Variants in PTH2R observed in about 807,000 individuals in gnomAD.
PTH2R encodes the protein parathyroid hormone 2 receptor.
In PTH2R, 59 loss-of-function variants were observed where a neutral mutation model predicts 60.3. That is an observed-to-expected ratio of 0.98 (90% CI 0.79 to 1.22). PTH2R has a LOEUF of 1.22. Ranked by LOEUF, PTH2R falls within the 50% of genes most tolerant of loss-of-function variation. The pLI, the probability that PTH2R is intolerant of heterozygous loss-of-function variation, is 0.00. For missense variants in PTH2R, 749 were observed against 682.6 expected, an observed-to-expected ratio of 1.10 and a Z score of -1.08; for synonymous variants, 256 against 243.8, an observed-to-expected ratio of 1.05 and a Z score of -0.47.
At chr2:208,370,632 G>T (rs1700682904) in intron 1 of PTH2R, among the ~76,000 whole-genome samples, 1 of 151,868 alleles carries the variant, frequency 6.6e-6, no homozygotes, top group African/African-American at 2.4e-5. Flanking sequence ...TCATTTTGCA[G>T]ATCTCTTACC....
At chr2:208,473,547 T>C (rs1702930562) in intron 9 of PTH2R, among the ~76,000 whole-genome samples, 2 of 152,246 alleles carry the variant, frequency 1.3e-5, no homozygotes, top group African/African-American at 2.4e-5. Context: ...GTTCACATGG[T>C]TGTGGGAGGC....
At chr2:208,441,085 C>CCCTG (rs1220766047) in intron 4 of PTH2R, among the ~76,000 whole-genome samples, 1 of 152,162 alleles carries the variant, frequency 6.6e-6, no homozygotes, top group African/African-American at 2.4e-5. Flanking sequence ...AGGCAGCAGC[C>CCCTG]AATTGCAAGA....
intron 2 of PTH2R, among the ~76,000 whole-genome samples, chr2:208,433,637 G>A (rs982683612): frequency 1.3e-5 from 2 of 152,114 alleles, no homozygotes; most frequent in African/African-American, 4.8e-5. Context: ...GAACATAAAA[G>A]TTTTCCTAAT....
chr2:208,379,661 A>G (rs1032069520), intron 1 of PTH2R, among the ~76,000 whole-genome samples: 10 of 152,106 alleles, frequency 6.6e-5, no homozygotes, highest in Non-Finnish European at 1.2e-4. Context: ...GGAGTTTGAG[A>G]CCAGCCTGGT....
intron 8 of PTH2R, among the ~76,000 whole-genome samples, chr2:208,452,939 T>C (rs1485700594): frequency 6.6e-6 from 1 of 152,198 alleles, no homozygotes; most frequent in Admixed American, 6.5e-5. Flanking sequence ...GAGGTGTTTC[T>C]ATTGAGATAA....
In PTH2R at chr2:208,428,221, T is replaced by C. The variant is rs1701896952; in HGVS notation, c.96T>C (p.Ile32=). 6.2e-7 allele frequency: 1 copy of C among 1,612,508 alleles called. No individual in the cohort carries two copies. Among genetic ancestry groups the C allele is most frequent in the East Asian group, 2.2e-5 (1 of 44,854 alleles). Residue 32 remains isoleucine (I), a synonymous_variant, in exon 2 of 13, where the codon ATT becomes ATC. Transcript: ENST00000272847. ...ARAQLDSDGT[I]TIEEQIVLVL... ...TACAGCTGGATTCTGATGGCACCAT[T>C]ACTATAGAGGAGCAGATTGTCCTTG...
At chr2:208,375,124 T>C (rs1700770680) in intron 1 of PTH2R, among the ~76,000 whole-genome samples, 1 of 152,190 alleles carries the variant, frequency 6.6e-6, no homozygotes, top group Non-Finnish European at 1.5e-5. Context: ...GATTTGTTTT[T>C]ACTTTTTTAA....
intron 1 of PTH2R, among the ~76,000 whole-genome samples, chr2:208,380,565 C>A (rs1354296537): frequency 6.6e-6 from 1 of 152,100 alleles, no homozygotes; most frequent in Non-Finnish European, 1.5e-5. Flanking sequence ...TCTAAGTACC[C>A]CTGGCCTCTT....
intron 1 of PTH2R, among the ~76,000 whole-genome samples, chr2:208,374,972 A>G (rs1227545921): frequency 6.6e-6 from 1 of 152,132 alleles, no homozygotes; most frequent in Non-Finnish European, 1.5e-5. Flanking sequence ...CACTGGATGT[A>G]AAATAATCAT....
At chr2:208,466,897 C>A (rs1702765437) in intron 9 of PTH2R, among the ~76,000 whole-genome samples, 1 of 152,132 alleles carries the variant, frequency 6.6e-6, no homozygotes. Context: ...TAGTTTAATG[C>A]AATCCTGCTT....
In PTH2R at chr2:208,443,376, C is replaced by G. The variant is rs767549847; in HGVS notation, c.538C>G (p.His180Asp). 1 of 1,605,202 alleles carries G rather than the reference C, an allele frequency of 6.2e-7. No individual in the cohort carries two copies. The highest frequency in any genetic ancestry group is 8.5e-7 in the Non-Finnish European group (1 of 1,176,974). The change falls in exon 6 of 13, where the codon CAC (histidine) becomes GAC (aspartate). Residue 180 changes from histidine to aspartate, a missense_variant. Transcript: ENST00000272847. ...ATTGCATTGCACTAGGAACTATATC[C>G]ACATGCACTTATTTGTGTCTTTCAT... Reference protein sequence around the residue: ...RRLHCTRNYIHMHLFVSFMLR... With the variant: ...RRLHCTRNYIDMHLFVSFMLR...
chr2:208,418,324 T>C (rs1701683324), intron 1 of PTH2R, among the ~76,000 whole-genome samples: 2 of 152,098 alleles, frequency 1.3e-5, no homozygotes, highest in Admixed American at 1.3e-4. Flanking sequence ...CTATATAAGT[T>C]GTGAGGGACT....
intron 10 of PTH2R, 27 bp downstream of exon 10, chr2:208,481,191 A>C (rs575671092): frequency 7.0e-7 from 1 of 1,432,492 alleles, no homozygotes; most frequent in Admixed American, 1.9e-5. Context: ...CATCCATCAG[A>C]GGAAATATTT....
intron 2 of PTH2R, among the ~76,000 whole-genome samples, chr2:208,433,399 A>T (rs553831082): frequency 6.6e-6 from 1 of 152,344 alleles, no homozygotes; most frequent in Non-Finnish European, 1.5e-5. Flanking sequence ...TGACATTTTG[A>T]ATTCACTAGC....
chr2:208,361,346 A>G (rs1166516734), intron 1 of PTH2R: 1 of 152,384 alleles, frequency 6.6e-6, no homozygotes, highest in Non-Finnish European at 1.5e-5. Flanking sequence ...GTTTGGCAGC[A>G]ATGGGTTCCT....
At chr2:208,476,791 G>A (rs182428993) in intron 9 of PTH2R, among the ~76,000 whole-genome samples, 1 of 152,146 alleles carries the variant, frequency 6.6e-6, no homozygotes, top group African/African-American at 2.4e-5. Context: ...TATTGCTGCG[G>A]GAGGCTGGGG....
At chr2:208,376,761 G>C (rs986941615) in intron 1 of PTH2R, among the ~76,000 whole-genome samples, 28 of 151,828 alleles carry the variant, frequency 1.8e-4, no homozygotes, top group African/African-American at 6.8e-4. Flanking sequence ...TCCTATATGT[G>C]GGCTCTATTC....
At chr2:208,389,227 T>TAC (rs71041306) in intron 1 of PTH2R, among the ~76,000 whole-genome samples, 13,733 of 142,522 alleles carry the variant, frequency 0.096, 639 homozygotes, top group African/African-American at 0.12. Context: ...AGGAAATGCA[T>TAC]ACACACACAC....
At position 208,377,018 on chromosome 2, in the gene PTH2R, G is replaced by A. The variant is rs184513022; in HGVS notation, c.-259+16781G>A. Among the ~76,000 whole-genome samples the A allele has an allele frequency of 3.7e-4, 57 of 152,030 alleles. 2 individuals carry two copies. The highest frequency in any genetic ancestry group is 3.1e-3 in the Admixed American group (48 of 15,294). On this transcript the variant is annotated intron_variant, in intron 1 of 12. Coordinates refer to the PTH2R transcript ENST00000617735. ...GGTTTTCCTAGGCAGAGGACCCTGC[G>A]GGCTTCCACAGTATTTGTGTCCCTG...
Sources: allele counts gnomAD v4.1 joint callset (sites outside exome capture counted in the v4.1 genomes callset), GRCh38; gene constraint gnomAD v4.1.1; transcripts MANE v1.5; gene names NCBI Gene and HGNC (gene_info 2026-07-23, HGNC 2026-07-21).